EPB41L4B: variants seen among roughly 807,000 people sequenced by gnomAD.
EPB41L4B encodes the protein band 4.1-like protein 4B.
In EPB41L4B, 30 loss-of-function variants were observed where a neutral mutation model predicts 112.5. That is an observed-to-expected ratio of 0.27 (90% confidence interval 0.20 to 0.36). The LOEUF (loss-of-function observed/expected upper bound fraction) is 0.36. EPB41L4B is among the 10% of genes least tolerant of loss of function. The pLI is 1.00. For missense variants in EPB41L4B, 1,024 were observed against 1,133.3 expected, an observed-to-expected ratio of 0.90 and a Z score of 1.38; for synonymous variants, 408 against 439.7, an observed-to-expected ratio of 0.93 and a Z score of 0.90.
chr9:109,294,427 G>A (rs1836655457), intron 1 of EPB41L4B, among the ~76,000 whole-genome samples: 1 of 152,098 alleles, frequency 6.6e-6, no homozygotes, highest in South Asian at 2.1e-4. Flanking sequence ...GACCAGCCTG[G>A]GAAACAGTGA....
intron 1 of EPB41L4B, among the ~76,000 whole-genome samples, chr9:109,319,693 G>C (rs1002268634): frequency 6.6e-6 from 1 of 152,218 alleles, no homozygotes; most frequent in Non-Finnish European, 1.5e-5. Context: ...CGAGTTTGAG[G>C]GGGGACAAGC....
chr9:109,260,332 A>G (rs1429519809), intron 6 of EPB41L4B, among the ~76,000 whole-genome samples: 2 of 151,926 alleles, frequency 1.3e-5, no homozygotes, highest in Non-Finnish European at 2.9e-5. Flanking sequence ...AGCCTCCCAA[A>G]GTGCTGAGAT....
At chr9:109,175,865 C>CT (rs1235062864) in intron 25 of EPB41L4B, among the ~76,000 whole-genome samples, 1 of 152,204 alleles carries the variant, frequency 6.6e-6, no homozygotes, top group African/African-American at 2.4e-5. Flanking sequence ...CAGGCACATG[C>CT]TTCCTCAGGA....
chr9:109,278,136 T>C (rs796386475), intron 2 of EPB41L4B, among the ~76,000 whole-genome samples: 98 of 152,100 alleles, frequency 6.4e-4, no homozygotes, highest in African/African-American at 2.3e-3. Flanking sequence ...GGAAGCGGAA[T>C]TGGACTCAGA....
chr9:109,182,786 G>A lies in EPB41L4B; in HGVS notation c.2430C>T (p.Phe810=), dbSNP rs1171903653. 1 of 1,611,442 alleles carries A rather than the reference G, an allele frequency of 6.2e-7. No homozygotes were observed. Among genetic ancestry groups the A allele is most frequent in the East Asian group, 2.2e-5 (1 of 44,878 alleles). The part of the protein sequence containing the change: ...PPIKTRLIKT[F]PVDTMNPFPD... ...GAAACGGGTTCATTGTATCAACCGG[G>A]AATGTTTTTATCTTCAAAAGAGAGA... Residue 810 remains phenylalanine (F), a synonymous_variant, in exon 24 of 26, where the codon TTC becomes TTT. Coordinates refer to ENST00000374566, the MANE Select transcript of EPB41L4B (RefSeq NM_019114.5).
chr9:109,278,683 C>G (rs1212693152), intron 2 of EPB41L4B, among the ~76,000 whole-genome samples: 1 of 152,110 alleles, frequency 6.6e-6, no homozygotes, highest in Non-Finnish European at 1.5e-5. Flanking sequence ...CCCAGTCCAC[C>G]CTTTCCTCGC....
intron 15 of EPB41L4B, among the ~76,000 whole-genome samples, chr9:109,220,108 T>G (rs1833521059): frequency 6.6e-6 from 1 of 152,242 alleles, no homozygotes; most frequent in Admixed American, 6.5e-5. Flanking sequence ...TTTATTTATT[T>G]ATTGCTTGAA....
At chr9:109,289,499 T>A (rs1345061470) in intron 1 of EPB41L4B, among the ~76,000 whole-genome samples, 1 of 152,252 alleles carries the variant, frequency 6.6e-6, no homozygotes, top group Non-Finnish European at 1.5e-5. Flanking sequence ...TCAATAAACA[T>A]AAACACTAAT....
intron 1 of EPB41L4B, among the ~76,000 whole-genome samples, chr9:109,306,776 T>C (rs1252359208): frequency 6.6e-6 from 1 of 152,192 alleles, no homozygotes; most frequent in Non-Finnish European, 1.5e-5. Context: ...AAAACCACTG[T>C]TGTATTAACT....
At chr9:109,275,717 C>T (rs935353373) in intron 2 of EPB41L4B, among the ~76,000 whole-genome samples, 3 of 152,150 alleles carry the variant, frequency 2.0e-5, no homozygotes, top group Non-Finnish European at 4.4e-5. Flanking sequence ...GATGTTATTA[C>T]ACTACCTCCA....
rs1400411842 is a variant in EPB41L4B, at chr9:109,276,158, C to T, written c.411+3659G>A. On this transcript the variant is annotated intron_variant, in intron 2 of 25. Coordinates refer to ENST00000374566, the MANE Select transcript of EPB41L4B (RefSeq NM_019114.5). ...CATAATATATACGTGTGTGTATACA[C>T]ACACACACACACACACACACACACA... 3.4e-3 allele frequency among the ~76,000 whole-genome samples: 3 copies of T among 884 alleles called. No individual in the cohort carries two copies. The South Asian group carries it at 0.25, about 74-fold the overall frequency. 0.6% of individuals were successfully genotyped at this position (884 alleles called of 152,430 possible).
At chr9:109,304,468 T>C (rs894511064) in intron 1 of EPB41L4B, among the ~76,000 whole-genome samples, 3 of 152,250 alleles carry the variant, frequency 2.0e-5, no homozygotes, top group Non-Finnish European at 4.4e-5. Flanking sequence ...TTTCTGCTCC[T>C]GGAGCCGTAT....
At chr9:109,262,622 G>C (rs995374432) in intron 6 of EPB41L4B, among the ~76,000 whole-genome samples, 2 of 152,114 alleles carry the variant, frequency 1.3e-5, no homozygotes, top group African/African-American at 4.8e-5. Context: ...TATCCGGCCA[G>C]GCCTGCTCCC....
At chr9:109,221,731 C>G (rs971127292) in intron 15 of EPB41L4B, among the ~76,000 whole-genome samples, 4 of 152,278 alleles carry the variant, frequency 2.6e-5, no homozygotes, top group Middle Eastern at 3.4e-3. Context: ...AAATTATGAT[C>G]GACCATCACG....
intron 1 of EPB41L4B, among the ~76,000 whole-genome samples, chr9:109,291,685 A>G (rs1373148544): frequency 6.6e-6 from 1 of 152,204 alleles, no homozygotes; most frequent in Non-Finnish European, 1.5e-5. Context: ...CAATCTTAGA[A>G]GAAAGTGACT....
chr9:109,192,180 C>T lies in EPB41L4B; in HGVS notation c.2301+98G>A, dbSNP rs566294678. ...GAGCCTCCAGGACAAGAGGAAGAGG[C>T]TCCTCAACAGCAATGCCCACCTCTG... On this transcript the variant is annotated intron_variant, in intron 22 of 25. Transcript: ENST00000374566. 201 of 928,120 alleles carry T rather than the reference C, an allele frequency of 2.2e-4. No individual in the cohort carries two copies. In the African/African-American group the frequency reaches 3.0e-3, roughly 14 times the overall value. The allele number at this position is 928,120 out of a possible 1,614,324, so 57.5% of individuals were successfully genotyped here.
chr9:109,252,111 C>A (rs1834809925), intron 12 of EPB41L4B, among the ~76,000 whole-genome samples: 1 of 152,186 alleles, frequency 6.6e-6, no homozygotes, highest in Non-Finnish European at 1.5e-5. Context: ...GGGCCCAGAT[C>A]TCTAAAGCCA....
chr9:109,316,728 A>AT (rs1425966501), intron 1 of EPB41L4B, among the ~76,000 whole-genome samples: 4 of 152,188 alleles, frequency 2.6e-5, no homozygotes, highest in African/African-American at 7.2e-5. Flanking sequence ...CATGTTATAG[A>AT]TTTTTTTAAA....
chr9:109,244,561 C>G (rs1474807501), intron 14 of EPB41L4B, among the ~76,000 whole-genome samples: 1 of 147,210 alleles, frequency 6.8e-6, no homozygotes, highest in African/African-American at 2.5e-5. Context: ...GCCTCAGTCT[C>G]CTGGGTAGCT....
Sources: allele counts gnomAD v4.1 joint callset (sites outside exome capture counted in the v4.1 genomes callset), GRCh38; gene constraint gnomAD v4.1.1; transcripts MANE v1.5; gene names NCBI Gene and HGNC (gene_info 2026-07-23, HGNC 2026-07-21).